The following OSTN variants were observed in gnomAD, a reference collection of about 807,000 sequenced individuals.
The protein encoded by OSTN is osteocrin.
Under a neutral mutation model 12.0 loss-of-function variants are expected in OSTN, and 9 were observed. That is an observed-to-expected ratio of 0.75 (90% CI 0.45 to 1.30). The LOEUF (loss-of-function observed/expected upper bound fraction) is 1.30. Ranked by LOEUF, OSTN falls within the 50% of genes most tolerant of loss-of-function variation. OSTN has a pLI of 0.00. For missense variants in OSTN, 148 were observed against 152.3 expected (o/e 0.97, Z 0.15); for synonymous variants, 59 against 56.9 (o/e 1.04, Z -0.16).
chr3:191,209,279 AAG>A (rs1415975137), intron 1 of OSTN, among the ~76,000 whole-genome samples: 1 of 152,220 alleles, frequency 6.6e-6, no homozygotes, highest in Non-Finnish European at 1.5e-5. Flanking sequence ...TCAGGAGAAA[AAG>A]AATACAATTA....
intron 3 of OSTN, among the ~76,000 whole-genome samples, chr3:191,222,620 G>T (rs1387291402): frequency 6.6e-6 from 1 of 152,206 alleles, no homozygotes; most frequent in Non-Finnish European, 1.5e-5. Context: ...GCTGGAATGA[G>T]TTAAGATTTT....
chr3:191,237,586 C>T (rs1715226063), intron 3 of OSTN, among the ~76,000 whole-genome samples: 1 of 152,206 alleles, frequency 6.6e-6, no homozygotes, highest in Non-Finnish European at 1.5e-5. Flanking sequence ...CAGCACCTGG[C>T]ATCCTTCTTT....
intron 3 of OSTN, among the ~76,000 whole-genome samples, chr3:191,242,487 T>C (rs1389468843): frequency 2.0e-5 from 3 of 152,246 alleles, no homozygotes; most frequent in Non-Finnish European, 4.4e-5. Flanking sequence ...TTCTGAATCA[T>C]TAGGCATGAA....
chr3:191,246,222 T>G (rs912237557), intron 3 of OSTN, among the ~76,000 whole-genome samples: 7 of 152,112 alleles, frequency 4.6e-5, no homozygotes, highest in African/African-American at 1.7e-4. Flanking sequence ...TTCAAACATC[T>G]GAGAGGGTTG....
chr3:191,213,360 A>G (rs1431528672), intron 2 of OSTN: 1 of 152,204 alleles, frequency 6.6e-6, no homozygotes, highest in Non-Finnish European at 1.5e-5. Flanking sequence ...AAAGAGCAGT[A>G]ATCACGATCT....
intron 1 of OSTN, among the ~76,000 whole-genome samples, chr3:191,205,034 AAC>A (rs1281907918): frequency 1.3e-5 from 2 of 152,206 alleles, no homozygotes; most frequent in Admixed American, 1.3e-4. Flanking sequence ...GTTATAATAA[AAC>A]ACAAATTAAA....
chr3:191,230,110 A>C (rs186091863), intron 3 of OSTN, among the ~76,000 whole-genome samples: 1 of 150,906 alleles, frequency 6.6e-6, no homozygotes, highest in East Asian at 1.9e-4. Context: ...ATAACTTAGG[A>C]TATTTTTTCA....
intron 1 of OSTN, among the ~76,000 whole-genome samples, chr3:191,209,816 A>T (rs1040005976): frequency 6.6e-6 from 1 of 151,794 alleles, no homozygotes; most frequent in Admixed American, 6.6e-5. Flanking sequence ...CCAAAGTTTT[A>T]TTTTTTTTCC....
rs71298518 is a variant in OSTN at position 191,214,436 on chromosome 3, CAAAAAAAAAAAAAA to C, written c.102+1815_102+1828del. On this transcript the variant is annotated intron_variant, in intron 2 of 4. Transcript: ENST00000682035. Reference sequence around the variant, plus strand: ...CTGTTAACAGAGTGAGACTCCATCTCAAAAAAAAAAAAAAAAAAAAAAAAAACAGCAACAAAAAA... The same window carrying C: ...CTGTTAACAGAGTGAGACTCCATCTCAAAAAAAAAAAACAGCAACAAAAAA... Among the ~76,000 whole-genome samples the C allele has an allele frequency of 4.1e-4, 8 of 19,344 alleles. No homozygotes were observed. The East Asian group carries it at 0.011, about 26-fold the overall frequency. The allele number at this position is 19,344 out of a possible 152,430, so 12.7% of individuals were successfully genotyped here. A position where few individuals can be genotyped will look rare whatever the true frequency, so the allele number is the denominator to read the frequency against.
At chr3:191,237,690 A>T (rs1715228240) in intron 3 of OSTN, among the ~76,000 whole-genome samples, 1 of 152,182 alleles carries the variant, frequency 6.6e-6, no homozygotes, top group South Asian at 2.1e-4. Flanking sequence ...AACACCTGAG[A>T]TCTTATCAGG....
chr3:191,265,275 T>G lies in OSTN; in HGVS notation c.*2422T>G, dbSNP rs1715897559. On this transcript the variant is annotated 3_prime_UTR_variant, in exon 5 of 5. Transcript: ENST00000682035. ...TGCATTACTTTTTTCTCTTTGCTTC[T>G]GTATGAACCTTTATAGAGCAAATGA... The G allele has an allele frequency of 6.6e-6, 1 of 152,216 alleles. No homozygotes were observed. The highest frequency in any genetic ancestry group is 6.5e-5 in the Admixed American group (1 of 15,286). 9.4% of individuals were successfully genotyped at this position (152,216 alleles called of 1,614,324 possible). A position where few individuals can be genotyped will look rare whatever the true frequency, so the allele number is the denominator to read the frequency against.
chr3:191,200,676 G>A (rs999385185), intron 1 of OSTN, among the ~76,000 whole-genome samples: 1 of 151,958 alleles, frequency 6.6e-6, no homozygotes, highest in Non-Finnish European at 1.5e-5. Flanking sequence ...GAAGTGCTAG[G>A]GATACTGAGT....
At chr3:191,222,960 T>C (rs941452753) in intron 3 of OSTN, among the ~76,000 whole-genome samples, 4 of 152,152 alleles carry the variant, frequency 2.6e-5, no homozygotes, top group Non-Finnish European at 4.4e-5. Context: ...TCTACCATGA[T>C]TGTAAGTTTC....
chr3:191,216,381 G>A (rs1161939817), intron 2 of OSTN, among the ~76,000 whole-genome samples: 1 of 152,234 alleles, frequency 6.6e-6, no homozygotes. Flanking sequence ...CATTGTCTTA[G>A]CAATTAGCAT....
intron 2 of OSTN, 121 bp downstream of exon 2, chr3:191,212,755 A>T: frequency 5.5e-6 from 1 of 180,586 alleles, no homozygotes; most frequent in Non-Finnish European, 1.0e-5. Flanking sequence ...TAATTTATAT[A>T]TTTATATATC....
At chr3:191,211,203 G>C (rs1342137115) in intron 1 of OSTN, among the ~76,000 whole-genome samples, 1 of 151,714 alleles carries the variant, frequency 6.6e-6, no homozygotes, top group African/African-American at 2.4e-5. Flanking sequence ...TATTGCTTTG[G>C]GCATTTACAA....
Position 191,225,662 on chromosome 3 carries a change from A to G in OSTN, c.317+6701A>G, listed in dbSNP as rs140762962. 3.9e-3 allele frequency among the ~76,000 whole-genome samples: 599 copies of G among 152,320 alleles called. 2 individuals carry two copies. Among genetic ancestry groups the G allele is most frequent in the African/African-American group, 0.014 (573 of 41,576 alleles). On this transcript the variant is annotated intron_variant, in intron 3 of 4. Coordinates refer to ENST00000682035, the MANE Select transcript of OSTN (RefSeq NM_198184.2). ...CACAGCCATAAAAAAGAAGAAAATT[A>G]TGTTCTTTGCAGCTACATGCATGCA...
chr3:191,247,132 A>G (rs961529289), intron 3 of OSTN, among the ~76,000 whole-genome samples: 2 of 152,224 alleles, frequency 1.3e-5, no homozygotes, highest in African/African-American at 4.8e-5. Context: ...CTTTATGTGG[A>G]CAAAGATAAT....
chr3:191,234,143 T>G (rs1400129731), intron 3 of OSTN, among the ~76,000 whole-genome samples: 1 of 152,226 alleles, frequency 6.6e-6, no homozygotes, highest in Non-Finnish European at 1.5e-5. Flanking sequence ...GTACAACTCT[T>G]ATTGCTTTAA....
Sources: gnomAD v4.1 joint callset for allele counts (sites outside exome capture counted in the v4.1 genomes callset) on GRCh38, gnomAD v4.1.1 for gene constraint, MANE v1.5 for transcripts, NCBI Gene and HGNC (gene_info 2026-07-23, HGNC 2026-07-21) for gene names.